MYH11: variants seen among roughly 807,000 people sequenced by gnomAD.
MYH11 encodes the protein myosin heavy chain 11.
MYH11 carries 80 observed loss-of-function variants against 246.6 expected under a neutral mutation model. The observed-to-expected ratio is 0.32, with a 90% CI of 0.27 to 0.39. The LOEUF (loss-of-function observed/expected upper bound fraction) is 0.39, where lower values mean the gene tolerates loss of function less well. Ranked by LOEUF, MYH11 falls within the 10% of genes least tolerant of loss-of-function variation. MYH11 has a pLI of 1.00. For missense variants in MYH11, 2,158 were observed against 2,546.8 expected (o/e 0.85, Z 3.29); for synonymous variants, 1,071 against 1,015.5 (o/e 1.05, Z -1.04).
rs76890940 is a variant in MYH11, at chr16:15,721,494, G to C, written c.4506C>G (p.Leu1502=). 1 of 1,614,198 alleles carries C rather than the reference G, an allele frequency of 6.2e-7. No individual in the cohort carries two copies. Among genetic ancestry groups the C allele is most frequent in the South Asian group, 1.1e-5 (1 of 91,088 alleles). Residue 1502 remains leucine (L), a synonymous_variant, in exon 32 of 41, where the codon CTC becomes CTG. Transcript: ENST00000300036. ...CTTTGAGCATTTTGTTGGTCCGCTCGAGTTCCTCTTTGGCTTCCAAGGCCT... is the reference window on the plus strand; with the variant it reads ...CTTTGAGCATTTTGTTGGTCCGCTCCAGTTCCTCTTTGGCTTCCAAGGCCT... ...LEEALEAKEE[L]ERTNKMLKAE...
At chr16:15,763,741 T>TGGGGGGGGCCC in intron 10 of MYH11, 55 bp downstream of exon 10, 3 of 646,858 alleles carry the variant, frequency 4.6e-6, no homozygotes, top group Non-Finnish European at 5.8e-6. Flanking sequence ...AAATGTCACC[T>TGGGGGGGGCCC]CCCCCACCCC....
intron 14 of MYH11, among the ~76,000 whole-genome samples, chr16:15,754,841 T>A (rs1180547476): frequency 6.6e-6 from 1 of 152,182 alleles, no homozygotes; most frequent in African/African-American, 2.4e-5. Context: ...GGCTAATTTT[T>A]AAATTTTTTT....
rs75538022 is a variant in MYH11 at position 15,749,614 on chromosome 16, T to G, written c.2058+524A>C. ...TCCCATAACCTCAGCACTACTGGCATCTTGTAGGGATTCTGTGCTGGGGGT... is the reference window on the plus strand; with the variant it reads ...TCCCATAACCTCAGCACTACTGGCAGCTTGTAGGGATTCTGTGCTGGGGGT... On this transcript the variant is annotated intron_variant, in intron 16 of 40. Transcript: ENST00000300036. 50 of 166,540 alleles carry G rather than the reference T, an allele frequency of 3.0e-4. No homozygotes were observed. In the East Asian group the frequency reaches 8.3e-3, roughly 28 times the overall value. The allele number at this position is 166,540 out of a possible 1,614,324, so 10.3% of individuals were successfully genotyped here.
chr16:15,780,856 T>C (rs1184535242), intron 6 of MYH11, among the ~76,000 whole-genome samples: 1 of 152,170 alleles, frequency 6.6e-6, no homozygotes, highest in Non-Finnish European at 1.5e-5. Context: ...GAATATCCCA[T>C]CTGTGTGACT....
intron 2 of MYH11, among the ~76,000 whole-genome samples, chr16:15,833,274 G>A (rs59797514): frequency 0.38 from 57,039 of 150,228 alleles, 11,266 homozygotes; most frequent in African/African-American, 0.48. Context: ...TCCAGCCTGG[G>A]CAACAGAGTA....
rs148691719 is a variant in MYH11 at position 15,717,132 on chromosome 16, C to G, written c.5504+8G>C. ...GCAAACTGGGTTCGGAACTCCACAC[C>G]CGCATACCTGGCCTCCTGCTCGACC... is the stretch of plus-strand genomic sequence containing the variant. On this transcript the variant is annotated splice_region_variant and intron_variant, in intron 38 of 40. Transcript: ENST00000300036. The G allele has an allele frequency of 9.2e-4, 1,486 of 1,614,162 alleles. 13 individuals are homozygous for G. The African/African-American group carries it at 0.016, about 18-fold the overall frequency.
Position 15,750,608 on chromosome 16 carries a change from C to T in MYH11, c.1865-277G>A, listed in dbSNP as rs1194600593. Among the ~76,000 whole-genome samples the T allele has an allele frequency of 6.6e-6, 1 of 152,158 alleles. No individual in the cohort carries two copies. The highest frequency in any genetic ancestry group is 6.5e-5 in the Admixed American group (1 of 15,278). ...CACTCACTGACTAGCCTTGGCTTGGCACTATCCTGTGCCTCAGTCTCCCTT... is the reference window on the plus strand; with the variant it reads ...CACTCACTGACTAGCCTTGGCTTGGTACTATCCTGTGCCTCAGTCTCCCTT... On this transcript the variant is annotated intron_variant, in intron 15 of 40. Coordinates refer to ENST00000300036, the MANE Select transcript of MYH11 (RefSeq NM_002474.3). This position sits in a 1 kb window ranked among gnomAD's most constrained non-coding sequence, Gnocchi z 4.3.
At chr16:15,813,104 T>A (rs919905519) in intron 3 of MYH11, among the ~76,000 whole-genome samples, 8 of 149,108 alleles carry the variant, frequency 5.4e-5, no homozygotes, top group Non-Finnish European at 1.0e-4. Context: ...GAGGTGGAGG[T>A]TGCAGTGAGC....
chr16:15,734,389 C>T (rs912530480), intron 26 of MYH11, among the ~76,000 whole-genome samples: 1 of 152,074 alleles, frequency 6.6e-6, no homozygotes, highest in Non-Finnish European at 1.5e-5. Context: ...ACCTCTGCCT[C>T]CCAGATTCAA....
In MYH11 at chr16:15,830,972, G is replaced by T. The variant is rs555051201; in HGVS notation, c.345+6936C>A. On this transcript the variant is annotated intron_variant, in intron 2 of 40. Coordinates refer to ENST00000300036, the MANE Select transcript of MYH11 (RefSeq NM_002474.3). ...GGATCACCTGAGGTCAGGAGATCGA[G>T]ACCAGCCTGGCCAACATGGCAAAAC... Among the ~76,000 whole-genome samples, 21 of 152,300 alleles carry T rather than the reference G, an allele frequency of 1.4e-4. No homozygotes were observed. The South Asian group carries it at 4.4e-3, about 32-fold the overall frequency.
intron 28 of MYH11, chr16:15,726,362 TTTTTTTC>T (rs1243928824): frequency 1.2e-5 from 2 of 168,190 alleles, no homozygotes; most frequent in African/African-American, 5.5e-5. Context: ...AAGGAAGGGT[TTTTTTTC>T]TTTTTTTTTT....
intron 27 of MYH11, among the ~76,000 whole-genome samples, chr16:15,728,534 T>C (rs1344472412): frequency 5.3e-5 from 8 of 152,100 alleles, no homozygotes; most frequent in Non-Finnish European, 1.0e-4. Context: ...CTGCTACTTC[T>C]GTCCTAGTTA....
Position 15,704,017 on chromosome 16 carries a change from AGTCTGCGTCTCGAGT to A in MYH11, c.5878_5892del (p.Thr1960_Asp1964del). On this transcript the variant is annotated inframe_deletion, in exon 41 of 41. Transcript: ENST00000300036. ...TATTCACTGGCCTTGGTTCCATTGAAGTCTGCGTCTCGAGTGTCCGTTTCCTCCTCAGAACCATCT... is the reference window on the plus strand; with the variant it reads ...TATTCACTGGCCTTGGTTCCATTGAAGTCCGTTTCCTCCTCAGAACCATCT... The A allele has an allele frequency of 6.2e-7, 1 of 1,614,090 alleles. No individual in the cohort carries two copies. The highest frequency in any genetic ancestry group is 8.5e-7 in the Non-Finnish European group (1 of 1,180,018).
chr16:15,836,719 C>CTT (rs780997939), intron 2 of MYH11, among the ~76,000 whole-genome samples: 607 of 94,986 alleles, frequency 6.4e-3, no homozygotes, highest in Non-Finnish European at 8.6e-3. Context: ...TTTAATGTTT[C>CTT]TTTTTTTTTT....
In MYH11 at chr16:15,724,225, A is replaced by G. The variant is rs764485187; in HGVS notation, c.4301T>C (p.Val1434Ala). The G allele has an allele frequency of 5.6e-6, 9 of 1,614,180 alleles. No individual in the cohort carries two copies. The highest frequency in any genetic ancestry group is 7.6e-6 in the Non-Finnish European group (9 of 1,180,048). Reference protein sequence around the residue: ...RLQQELDDLVVDLDNQRQLVS... With the variant: ...RLQQELDDLVADLDNQRQLVS... ...GAGTTGCCGCTGGTTGTCCAAATCA[A>G]CAACCAGGTCGTCCAGCTCCTGCTG... Residue 1434 changes from valine (V) to alanine (A), a missense_variant, in exon 31 of 41, where the codon GTT (valine) becomes GCT (alanine). Coordinates refer to ENST00000300036, the MANE Select transcript of MYH11 (RefSeq NM_002474.3).
chr16:15,717,587 G>T (rs2040229978), intron 37 of MYH11: 1 of 591,164 alleles, frequency 1.7e-6, no homozygotes, highest in Non-Finnish European at 3.0e-6. Context: ...TTGAGCTCAG[G>T]AGTTCGAGAC....
intron 3 of MYH11, among the ~76,000 whole-genome samples, chr16:15,810,200 A>C (rs1177064965): frequency 1.3e-5 from 2 of 151,422 alleles, no homozygotes; most frequent in African/African-American, 4.9e-5. Context: ...TGCCTGGCTA[A>C]TTTTTTGTAT....
rs149701021 is a variant in MYH11 at position 15,704,037 on chromosome 16, G to A, written c.5873C>T (p.Thr1958Met). Reference sequence around the variant, plus strand: ...ATTGAAGTCTGCGTCTCGAGTGTCCGTTTCCTCCTCAGAACCATCTGCATT... The same window carrying A: ...ATTGAAGTCTGCGTCTCGAGTGTCCATTTCCTCCTCAGAACCATCTGCATT... ...IENADGSEEE[T>M]DTRDADFNGT... is the part of the protein sequence containing the mutation. The change falls in exon 41 of 41, where the codon ACG becomes ATG. Residue 1958 changes from threonine to methionine, a missense_variant. Transcript: ENST00000300036. 29 of 1,613,974 alleles carry A rather than the reference G, an allele frequency of 1.8e-5. No homozygotes were observed. The highest frequency in any genetic ancestry group is 9.3e-5 in the African/African-American group (7 of 74,958).
At chr16:15,844,713 T>C (rs1242320077) in intron 1 of MYH11, among the ~76,000 whole-genome samples, 1 of 151,496 alleles carries the variant, frequency 6.6e-6, no homozygotes, top group African/African-American at 2.4e-5. Flanking sequence ...CAGCCAGGCA[T>C]GATGATGCGT....
Sources: gnomAD v4.1 joint callset for allele counts (sites outside exome capture counted in the v4.1 genomes callset) on GRCh38, gnomAD v4.1.1 for gene constraint, Gnocchi (gnomAD v3.1) non-coding constraint, MANE v1.5 for transcripts, NCBI Gene and HGNC (gene_info 2026-07-23, HGNC 2026-07-21) for gene names.